Variants in TBC1D14 observed in about 807,000 individuals in gnomAD.
TBC1D14 encodes the protein TBC1 domain family member 14.
A neutral mutation model predicts 79.0 loss-of-function variants in TBC1D14; 26 were observed. That is an observed-to-expected ratio of 0.33 (90% confidence interval 0.24 to 0.46). TBC1D14 has a LOEUF of 0.46. TBC1D14 is among the 20% of genes least tolerant of loss of function. TBC1D14 has a pLI of 1.00. For synonymous variants in TBC1D14, 394 were observed against 349.9 expected (o/e 1.13, Z -1.40); for missense variants, 769 against 887.6 (o/e 0.87, Z 1.70).
In TBC1D14 at chr4:6,923,782, C is replaced by G. The variant is rs376311994; in HGVS notation, c.393C>G (p.Pro131=). ...GCGTGCGCAAATCCTCCACGTTTCC[C>G]AGGACAGGCTATGACTCGGTAAAGC... is the stretch of plus-strand genomic sequence containing the variant. The part of the protein sequence containing the change: ...EQSVRKSSTF[P]RTGYDSVKLY... Residue 131 remains proline, a synonymous_variant, in exon 2 of 14, where the codon CCC becomes CCG. Transcript: ENST00000409757. The G allele has an allele frequency of 3.3e-5, 54 of 1,614,012 alleles. No homozygotes were observed. Among genetic ancestry groups the G allele is most frequent in the Non-Finnish European group, 4.5e-5 (53 of 1,180,048 alleles).
intron 2 of TBC1D14, among the ~76,000 whole-genome samples, chr4:6,948,525 C>T (rs1237132231): frequency 3.3e-5 from 5 of 152,090 alleles, no homozygotes; most frequent in African/African-American, 7.2e-5. Flanking sequence ...ACAAATAATG[C>T]CCACCATGGT....
chr4:6,937,607 C>T (rs1258249839), intron 2 of TBC1D14, among the ~76,000 whole-genome samples: 1 of 152,148 alleles, frequency 6.6e-6, no homozygotes, highest in Non-Finnish European at 1.5e-5. Flanking sequence ...CAGCAAGGGC[C>T]CTGCCAGGTG....
chr4:6,914,911 C>T (rs1377835738), intron 1 of TBC1D14, among the ~76,000 whole-genome samples: 5 of 152,096 alleles, frequency 3.3e-5, no homozygotes, highest in South Asian at 4.1e-4. Flanking sequence ...TGGTGGTGGG[C>T]GGCTGTAATC....
At chr4:6,958,768 C>T (rs1023596690) in intron 2 of TBC1D14, among the ~76,000 whole-genome samples, 1 of 152,090 alleles carries the variant, frequency 6.6e-6, no homozygotes, top group Non-Finnish European at 1.5e-5. Context: ...CCCTGGAATG[C>T]TCTCACTCTT....
At chr4:6,910,117 C>G (rs1353630451) in intron 1 of TBC1D14, 166 bp downstream of exon 1, 1 of 150,716 alleles carries the variant, frequency 6.6e-6, no homozygotes, top group Non-Finnish European at 1.5e-5. Context: ...GCCGCGGCTC[C>G]TGCACGCCAG....
At chr4:6,989,057 T>G (rs1278261730) in intron 3 of TBC1D14, among the ~76,000 whole-genome samples, 1 of 152,104 alleles carries the variant, frequency 6.6e-6, no homozygotes, top group Non-Finnish European at 1.5e-5. Flanking sequence ...TACTTCTTCA[T>G]TGTTTGAGAA....
At chr4:6,986,571 C>G (rs946564698) in intron 3 of TBC1D14, among the ~76,000 whole-genome samples, 9 of 152,206 alleles carry the variant, frequency 5.9e-5, no homozygotes, top group Non-Finnish European at 1.2e-4. Flanking sequence ...GAGCCTTGGG[C>G]TAGGCCCCGT....
At chr4:7,007,309 C>T (rs747065232) in intron 9 of TBC1D14, among the ~76,000 whole-genome samples, 2 of 152,190 alleles carry the variant, frequency 1.3e-5, no homozygotes, top group Non-Finnish European at 2.9e-5. Flanking sequence ...GGAGCCTCCT[C>T]CTGGGCATCT....
chr4:6,998,546 C>CTTT (rs11458209), intron 5 of TBC1D14, among the ~76,000 whole-genome samples: 1 of 147,812 alleles, frequency 6.8e-6, no homozygotes, highest in Non-Finnish European at 1.5e-5. Context: ...TTTTTTCTTT[C>CTTT]TTTTTTTTTT....
intron 1 of TBC1D14, 135 bp from the exon 2 acceptor site, chr4:6,923,235 GAAT>G: frequency 1.0e-6 from 1 of 994,766 alleles, no homozygotes; most frequent in Non-Finnish European, 1.4e-6. Context: ...TTCTGGACTT[GAAT>G]CAAAACTTGG....
intron 2 of TBC1D14, among the ~76,000 whole-genome samples, chr4:6,947,840 A>C (rs1375997400): frequency 6.6e-6 from 1 of 152,150 alleles, no homozygotes; most frequent in Non-Finnish European, 1.5e-5. Context: ...CGTTCGTGGC[A>C]GAGTCATTTC....
intron 1 of TBC1D14, 93 bp from the exon 2 acceptor site, chr4:6,923,280 T>C: frequency 2.9e-6 from 4 of 1,394,674 alleles, no homozygotes; most frequent in Non-Finnish European, 3.9e-6. Context: ...CTTTCTCCCT[T>C]AAGTGAGATC....
At chr4:6,913,047 G>C (rs1723131389) in intron 1 of TBC1D14, among the ~76,000 whole-genome samples, 1 of 152,232 alleles carries the variant, frequency 6.6e-6, no homozygotes, top group South Asian at 2.1e-4. Context: ...AGGCTGGAGT[G>C]CAATGGTGTG....
rs375836880 is a variant in TBC1D14 at position 6,923,399 on chromosome 4, G to A, written c.10G>A (p.Gly4Arg). 79 of 1,594,412 alleles carry A rather than the reference G, an allele frequency of 5.0e-5. No homozygotes were observed. The African/African-American group carries it at 1.0e-3, about 20-fold the overall frequency. MTD[G>R]KLSTSTNGVA... ...TTCTCCTTGGACCAAGATGACTGAT[G>A]GAAAACTCTCCACCTCTACAAATGG... Residue 4 changes from glycine to arginine, a missense_variant, in exon 2 of 14, where the codon GGA becomes AGA. Coordinates refer to ENST00000409757, the MANE Select transcript of TBC1D14 (RefSeq NM_020773.3).
chr4:6,994,864 CAAA>C lies in TBC1D14; in HGVS notation c.962+577_962+579del, dbSNP rs34072749. Among the ~76,000 whole-genome samples the C allele has an allele frequency of 1.6e-3, 166 of 105,266 alleles. 1 individual carries two copies. The highest frequency in any genetic ancestry group is 5.3e-3 in the Middle Eastern group (1 of 190). 69.1% of individuals were successfully genotyped at this position (105,266 alleles called of 152,430 possible). A position where few individuals can be genotyped will look rare whatever the true frequency, so the allele number is the denominator to read the frequency against. ...GGGCAACAAGAGCAAAACTCCGTCT[CAAA>C]AAAAAAAAAAAAAAGAAGCAGTGTG... On this transcript the variant is annotated intron_variant, in intron 4 of 13. Transcript: ENST00000409757.
In TBC1D14 at chr4:6,990,861, C is replaced by T. The variant is rs117759206; in HGVS notation, c.844-3323C>T. On this transcript the variant is annotated intron_variant, in intron 3 of 13. Transcript: ENST00000409757. ...TCCAGAGCCTTATCCCTTGCTAGCC[C>T]GACCTTAGCGCTGATAATCCACAAC... Among the ~76,000 whole-genome samples, 388 of 152,276 alleles carry T rather than the reference C, an allele frequency of 2.5e-3. 16 individuals carry two copies. The East Asian group carries it at 0.065, about 25-fold the overall frequency.
chr4:6,942,459 A>G (rs1289334711), intron 2 of TBC1D14, among the ~76,000 whole-genome samples: 1 of 152,234 alleles, frequency 6.6e-6, no homozygotes, highest in Non-Finnish European at 1.5e-5. Flanking sequence ...GAGTTGCAGA[A>G]TAGCCCTTTT....
At chr4:7,025,752 C>G (rs1247170976) in intron 13 of TBC1D14, among the ~76,000 whole-genome samples, 1 of 152,232 alleles carries the variant, frequency 6.6e-6, no homozygotes, top group Admixed American at 6.5e-5. Context: ...CGGGTCCCTC[C>G]TGGGTCTTCC....
At chr4:6,923,249 G>A in intron 1 of TBC1D14, 124 bp from the exon 2 acceptor site, 1 of 1,116,354 alleles carries the variant, frequency 9.0e-7, no homozygotes, top group Non-Finnish European at 1.2e-6. Context: ...CAAAACTTGG[G>A]TATGTGGAAC....
Sources: gnomAD v4.1 joint callset for allele counts (sites outside exome capture counted in the v4.1 genomes callset) on GRCh38, gnomAD v4.1.1 for gene constraint, MANE v1.5 for transcripts, NCBI Gene and HGNC (gene_info 2026-07-23, HGNC 2026-07-21) for gene names.